TEC: variants seen among roughly 807,000 people sequenced by gnomAD.
TEC encodes tec protein tyrosine kinase.
TEC carries 72 observed loss-of-function variants against 93.0 expected under a neutral mutation model. The ratio of observed to expected loss-of-function variants is 0.77; its 90% CI spans 0.64 to 0.94. TEC has a LOEUF of 0.94. Ranked by LOEUF, TEC falls within the 40% of genes least tolerant of loss-of-function variation. The pLI is 0.00. For missense variants in TEC, 630 were observed against 757.9 expected (o/e 0.83, Z 1.98); for synonymous variants, 249 against 247.7 (o/e 1.01, Z -0.05).
intron 3 of TEC, among the ~76,000 whole-genome samples, chr4:48,172,966 T>C (rs1221436669): frequency 2.6e-5 from 4 of 152,190 alleles, no homozygotes; most frequent in South Asian, 4.1e-4. Context: ...AAACCTGTGG[T>C]GTATTGTAAT....
intron 1 of TEC, among the ~76,000 whole-genome samples, chr4:48,237,227 T>A (rs1723809469): frequency 6.7e-6 from 1 of 150,152 alleles, no homozygotes; most frequent in Non-Finnish European, 1.5e-5. Flanking sequence ...GGCTAAGGCA[T>A]GCAAATAGCT....
At chr4:48,166,404 G>A (rs895195078) in intron 7 of TEC, among the ~76,000 whole-genome samples, 1 of 152,156 alleles carries the variant, frequency 6.6e-6, no homozygotes, top group Non-Finnish European at 1.5e-5. Flanking sequence ...TATATGTTAT[G>A]TGGATTCTCA....
At chr4:48,168,483 A>C in intron 6 of TEC, 103 bp downstream of exon 6, 1 of 1,234,392 alleles carries the variant, frequency 8.1e-7, no homozygotes, top group Admixed American at 2.1e-5. Context: ...GTGTCACATC[A>C]ATGAATAAAC....
At chr4:48,229,339 T>C (rs1723579442) in intron 1 of TEC, among the ~76,000 whole-genome samples, 1 of 152,186 alleles carries the variant, frequency 6.6e-6, no homozygotes, top group Non-Finnish European at 1.5e-5. Flanking sequence ...GCCCTTTAAC[T>C]CCAGACTATT....
chr4:48,262,201 C>CTTTTTCTTTTTTTTTTTTT (rs1724513444), intron 1 of TEC, among the ~76,000 whole-genome samples: 1 of 80,208 alleles, frequency 1.2e-5, no homozygotes. Flanking sequence ...CCAAATGTCT[C>CTTTTTCTTTTTTTTTTTTT]TTTTTTTTTT....
chr4:48,227,999 A>G (rs1047368181), intron 2 of TEC, among the ~76,000 whole-genome samples: 4 of 152,198 alleles, frequency 2.6e-5, no homozygotes, highest in Non-Finnish European at 5.9e-5. Flanking sequence ...GAAACTTTGT[A>G]GTAGCTGTTT....
chr4:48,205,759 A>G (rs1348366577), intron 2 of TEC, among the ~76,000 whole-genome samples: 1 of 152,248 alleles, frequency 6.6e-6, no homozygotes, highest in East Asian at 1.9e-4. Context: ...GAATGTAAGA[A>G]GTCACAGCTG....
At chr4:48,240,965 A>G (rs1577666022) in intron 1 of TEC, among the ~76,000 whole-genome samples, 1 of 152,158 alleles carries the variant, frequency 6.6e-6, no homozygotes, top group South Asian at 2.1e-4. Flanking sequence ...GGAAAAAAAA[A>G]ACTGTTAAAA....
intron 11 of TEC, 49 bp downstream of exon 11, chr4:48,149,508 A>AT (rs754614073): frequency 3.9e-5 from 59 of 1,501,140 alleles, no homozygotes; most frequent in Non-Finnish European, 5.0e-5. Context: ...GTATCTGATC[A>AT]TTTTAATCAC....
intron 17 of TEC, 22 bp downstream of exon 17, chr4:48,138,643 A>C: frequency 2.5e-6 from 4 of 1,583,606 alleles, no homozygotes; most frequent in Non-Finnish European, 3.4e-6. Context: ...ATTCAAAAAG[A>C]AAGCACACAA....
At chr4:48,247,445 T>C (rs1724089733) in intron 1 of TEC, among the ~76,000 whole-genome samples, 1 of 152,190 alleles carries the variant, frequency 6.6e-6, no homozygotes. Flanking sequence ...TGAATGCTCA[T>C]GGCAGTACTA....
At chr4:48,173,827 C>G (rs1721213710) in intron 3 of TEC, among the ~76,000 whole-genome samples, 1 of 152,204 alleles carries the variant, frequency 6.6e-6, no homozygotes, top group Non-Finnish European at 1.5e-5. Context: ...CAGCTGCCAT[C>G]AGAATGACTC....
intron 2 of TEC, among the ~76,000 whole-genome samples, chr4:48,206,777 CAAAAAAAA>C (rs34761710): frequency 7.8e-5 from 7 of 89,194 alleles, no homozygotes; most frequent in South Asian, 3.8e-4. Context: ...CTCGTTGCTA[CAAAAAAAA>C]AAAAAAAAAA....
intron 1 of TEC, among the ~76,000 whole-genome samples, chr4:48,250,970 G>A (rs185659066): frequency 1.1e-3 from 167 of 152,246 alleles, no homozygotes; most frequent in African/African-American, 3.5e-3. Context: ...TCATTATCCC[G>A]CATCAGGACT....
intron 17 of TEC, among the ~76,000 whole-genome samples, chr4:48,137,725 C>T (rs894854896): frequency 2.0e-5 from 3 of 152,148 alleles, no homozygotes; most frequent in Admixed American, 6.6e-5. Flanking sequence ...CTCTTCAAGA[C>T]CCTGATAGAT....
At chr4:48,224,177 T>G (rs1339759604) in intron 2 of TEC, among the ~76,000 whole-genome samples, 1 of 152,204 alleles carries the variant, frequency 6.6e-6, no homozygotes, top group Non-Finnish European at 1.5e-5. Flanking sequence ...CCCCATTCCT[T>G]CAACTTTGTA....
intron 10 of TEC, among the ~76,000 whole-genome samples, chr4:48,150,025 AAC>A (rs1181456951): frequency 1.3e-5 from 2 of 152,222 alleles, no homozygotes; most frequent in Admixed American, 6.5e-5. Context: ...AAATGTCTAG[AAC>A]ACTTAAATCA....
At chr4:48,151,233 C>T (rs1331960698) in intron 9 of TEC, among the ~76,000 whole-genome samples, 1 of 152,060 alleles carries the variant, frequency 6.6e-6, no homozygotes, top group Admixed American at 6.5e-5. Flanking sequence ...CTCTCAGTGC[C>T]CTTCCAGAAC....
intron 2 of TEC, among the ~76,000 whole-genome samples, chr4:48,208,011 G>A (rs1481717273): frequency 3.9e-5 from 6 of 152,128 alleles, no homozygotes; most frequent in Admixed American, 2.0e-4. Flanking sequence ...CACACCTACC[G>A]ATGAGGACCC....
Sources: allele counts gnomAD v4.1 joint callset (sites outside exome capture counted in the v4.1 genomes callset), GRCh38; gene constraint gnomAD v4.1.1; transcripts MANE v1.5; gene names NCBI Gene and HGNC (gene_info 2026-07-23, HGNC 2026-07-21).